SERINC5: variants seen among roughly 807,000 people sequenced by gnomAD.
SERINC5 encodes serine incorporator 5, also known as chromosome 5 open reading frame 12.
Under a neutral mutation model 63.1 loss-of-function variants are expected in SERINC5, and 41 were observed. The observed-to-expected ratio is 0.65, with a 90% CI of 0.51 to 0.84. The LOEUF (loss-of-function observed/expected upper bound fraction) is 0.84. SERINC5 is among the 40% of genes least tolerant of loss of function. The pLI, the probability that SERINC5 is intolerant of heterozygous loss-of-function variation, is 0.00. For synonymous variants in SERINC5, 222 were observed against 215.2 expected (o/e 1.03, Z -0.28); for missense variants, 523 against 573.0 (o/e 0.91, Z 0.89).
At chr5:80,115,685 G>A (rs986915653) in intron 11 of SERINC5, among the ~76,000 whole-genome samples, 3 of 152,006 alleles carry the variant, frequency 2.0e-5, no homozygotes, top group African/African-American at 7.3e-5. Context: ...AAGACTGTAT[G>A]CTGTTTTACG....
intron 11 of SERINC5, among the ~76,000 whole-genome samples, chr5:80,125,702 A>G (rs1404320885): frequency 4.6e-5 from 7 of 152,214 alleles, no homozygotes; most frequent in Admixed American, 2.6e-4. Flanking sequence ...GGGAAGACTC[A>G]GCTGGGCAGT....
chr5:80,255,868 C>A (rs1752655549), intron 1 of SERINC5, 28 bp downstream of exon 1: 1 of 1,588,566 alleles, frequency 6.3e-7, no homozygotes, highest in Non-Finnish European at 8.5e-7. Context: ...GATCTGACAA[C>A]CCCCGCGCTG....
At chr5:80,117,145 A>G (rs796591234) in intron 11 of SERINC5, among the ~76,000 whole-genome samples, 1 of 152,150 alleles carries the variant, frequency 6.6e-6, no homozygotes, top group African/African-American at 2.4e-5. Context: ...GCTCTTAACT[A>G]CAATGACTAT....
chr5:80,193,692 G>C (rs558018502), intron 2 of SERINC5, among the ~76,000 whole-genome samples: 1 of 152,106 alleles, frequency 6.6e-6, no homozygotes, highest in Non-Finnish European at 1.5e-5. Context: ...ACTCTCAGCA[G>C]AATATCCATT....
intron 1 of SERINC5, among the ~76,000 whole-genome samples, chr5:80,251,590 T>G (rs1752424587): frequency 6.6e-6 from 1 of 151,742 alleles, no homozygotes; most frequent in Admixed American, 6.6e-5. Context: ...ATTAGCCAGA[T>G]GTAGTGGCAA....
intron 1 of SERINC5, among the ~76,000 whole-genome samples, chr5:80,208,355 G>A (rs1750269468): frequency 1.5e-5 from 2 of 137,074 alleles, no homozygotes; most frequent in African/African-American, 2.7e-5. Context: ...ATTGTGCTGT[G>A]AACCTAAAAC....
At chr5:80,111,541 A>G (rs1263050914), downstream of SERINC5, 1 of 152,214 alleles carries the variant, frequency 6.6e-6, no homozygotes, top group Non-Finnish European at 1.5e-5. Context: ...ATTCCTGGGA[A>G]CTGCGGACAT....
Position 80,141,353 on chromosome 5 carries a change from A to G in SERINC5, c.*2310T>C, listed in dbSNP as rs183500413. 690 of 985,304 alleles carry G rather than the reference A, an allele frequency of 7.0e-4. No individual in the cohort carries two copies. Among genetic ancestry groups the G allele is most frequent in the Non-Finnish European group, 7.9e-4 (655 of 829,912 alleles). 61.0% of individuals were successfully genotyped at this position (985,304 alleles called of 1,614,324 possible). On this transcript the variant is annotated 3_prime_UTR_variant, in exon 12 of 12. Coordinates refer to ENST00000507668, the MANE Select transcript of SERINC5 (RefSeq NM_001174072.3). ...GCGACGAGGGCCTTCTACCGGCCACACTCCCTTGCTTGGGCTTCCCTAAGC... is the reference window on the plus strand; with the variant it reads ...GCGACGAGGGCCTTCTACCGGCCACGCTCCCTTGCTTGGGCTTCCCTAAGC...
intron 9 of SERINC5, among the ~76,000 whole-genome samples, chr5:80,147,532 G>A (rs1448238261): frequency 6.6e-6 from 1 of 152,154 alleles, no homozygotes; most frequent in Non-Finnish European, 1.5e-5. Context: ...CTCGAGACAG[G>A]AGCTCCTTTA....
intron 1 of SERINC5, among the ~76,000 whole-genome samples, chr5:80,208,957 A>G (rs1358764465): frequency 6.6e-6 from 1 of 152,226 alleles, no homozygotes; most frequent in Admixed American, 6.5e-5. Flanking sequence ...CTGTATTTGC[A>G]GATAGGGCCT....
At chr5:80,203,132 A>C in intron 1 of SERINC5, 79 bp from the exon 2 acceptor site, 5 of 1,372,956 alleles carry the variant, frequency 3.6e-6, no homozygotes, top group Non-Finnish European at 5.0e-6. Flanking sequence ...ACTGTGGTAC[A>C]CATCTGGAGT....
intron 1 of SERINC5, among the ~76,000 whole-genome samples, chr5:80,203,673 A>ATATG (rs1254105793): frequency 6.6e-6 from 1 of 152,166 alleles, no homozygotes; most frequent in Non-Finnish European, 1.5e-5. Flanking sequence ...ACATATATAT[A>ATATG]TACAAAAATT....
chr5:80,134,955 C>T (rs1006387871), downstream of SERINC5, among the ~76,000 whole-genome samples: 8 of 152,218 alleles, frequency 5.3e-5, no homozygotes, highest in African/African-American at 1.9e-4. Context: ...TGAACTAACA[C>T]AAGCACCACT....
chr5:80,204,872 C>CA (rs1361833955), intron 1 of SERINC5, among the ~76,000 whole-genome samples: 2 of 152,158 alleles, frequency 1.3e-5, no homozygotes, highest in African/African-American at 2.4e-5. Flanking sequence ...TGGGGAAAAA[C>CA]AAAACTGCAG....
intron 1 of SERINC5, among the ~76,000 whole-genome samples, chr5:80,250,809 G>T (rs1326731321): frequency 6.6e-6 from 1 of 152,018 alleles, no homozygotes; most frequent in Non-Finnish European, 1.5e-5. Context: ...CATTTACAGC[G>T]ACCAACCCTT....
intron 1 of SERINC5, 32 bp downstream of exon 1, chr5:80,255,864 A>G: frequency 6.3e-7 from 1 of 1,588,422 alleles, no homozygotes; most frequent in Non-Finnish European, 8.5e-7. Context: ...CTCCGATCTG[A>G]CAACCCCCGC....
At chr5:80,201,722 G>A (rs1749848201) in intron 2 of SERINC5, among the ~76,000 whole-genome samples, 5 of 152,172 alleles carry the variant, frequency 3.3e-5, no homozygotes, top group Admixed American at 3.3e-4. Flanking sequence ...GGTCCCACAT[G>A]TATCTCCATC....
intron 7 of SERINC5, among the ~76,000 whole-genome samples, chr5:80,162,841 C>G (rs1359568654): frequency 6.8e-6 from 1 of 147,414 alleles, no homozygotes; most frequent in Non-Finnish European, 1.5e-5. Context: ...AGAAACACTA[C>G]TGACTTTTTT....
intron 11 of SERINC5, chr5:80,113,699 T>C: frequency 5.4e-6 from 1 of 183,826 alleles, no homozygotes. Flanking sequence ...TCAGCTCTCA[T>C]GAGACTTATT....
Sources: gnomAD v4.1 joint callset for allele counts (sites outside exome capture counted in the v4.1 genomes callset) on GRCh38, gnomAD v4.1.1 for gene constraint, MANE v1.5 for transcripts, NCBI Gene and HGNC (gene_info 2026-07-23, HGNC 2026-07-21) for gene names.